PID1: variants seen among roughly 807,000 people sequenced by gnomAD.
PID1 encodes PTB-containing, cubilin and LRP1-interacting protein.
PID1 carries 10 observed loss-of-function variants against 19.1 expected under a neutral mutation model. The ratio of observed to expected loss-of-function variants is 0.52; its 90% CI spans 0.32 to 0.89. The LOEUF (loss-of-function observed/expected upper bound fraction) is 0.89. PID1 is among the 40% of genes least tolerant of loss of function. The pLI, the probability that PID1 is intolerant of heterozygous loss-of-function variation, is 0.03. For missense variants in PID1, 248 were observed against 285.3 expected (o/e 0.87, Z 0.94); for synonymous variants, 130 against 116.0 (o/e 1.12, Z -0.78).
chr2:229,098,311 G>A (rs1695010315), intron 2 of PID1, among the ~76,000 whole-genome samples: 1 of 152,144 alleles, frequency 6.6e-6, no homozygotes, highest in African/African-American at 2.4e-5. Context: ...CCATCAGCAC[G>A]ATGTACAAAG....
chr2:229,215,007 G>A (rs1014915402), intron 1 of PID1, among the ~76,000 whole-genome samples: 14 of 152,156 alleles, frequency 9.2e-5, no homozygotes, highest in African/African-American at 3.4e-4. Context: ...AGGCTCAATA[G>A]TGTTGTGATA....
chr2:229,053,641 A>G (rs1456346372), intron 2 of PID1, among the ~76,000 whole-genome samples: 2 of 152,204 alleles, frequency 1.3e-5, no homozygotes, highest in African/African-American at 4.8e-5. Flanking sequence ...AACTCACTTC[A>G]CTTTGGACTG....
intron 2 of PID1, among the ~76,000 whole-genome samples, chr2:229,106,642 C>A (rs1033384142): frequency 1.3e-5 from 2 of 152,214 alleles, no homozygotes; most frequent in African/African-American, 2.4e-5. Flanking sequence ...ATCTATGAAG[C>A]AGACAGCAAT....
At chr2:229,256,215 G>A (rs997621659) in intron 1 of PID1, among the ~76,000 whole-genome samples, 2 of 152,182 alleles carry the variant, frequency 1.3e-5, no homozygotes, top group East Asian at 3.9e-4. Flanking sequence ...CATCCAGATG[G>A]AACAGCAGCT....
Position 229,180,783 on chromosome 2 carries a change from G to T in PID1, c.31-24819C>A, listed in dbSNP as rs1283931261. 3.9e-5 allele frequency among the ~76,000 whole-genome samples: 6 copies of T among 152,246 alleles called. No homozygotes were observed. In the East Asian group the frequency reaches 1.2e-3, roughly 29 times the overall value. Reference sequence around the variant, plus strand: ...CATCAACTCCACTACGCCCATCTCCGCCACTCCGGATTCGGGGATCTGAAC... The same window carrying T: ...CATCAACTCCACTACGCCCATCTCCTCCACTCCGGATTCGGGGATCTGAAC... On this transcript the variant is annotated intron_variant, in intron 1 of 2. Transcript: ENST00000392055.
chr2:229,246,774 G>A (rs1690014476), intron 1 of PID1, among the ~76,000 whole-genome samples: 1 of 152,166 alleles, frequency 6.6e-6, no homozygotes, highest in African/African-American at 2.4e-5. Context: ...CCTATTTTCT[G>A]ATTATTCCAA....
In PID1 at chr2:229,067,553, C is replaced by T. The variant is rs543921539; in HGVS notation, c.178-41445G>A. Among the ~76,000 whole-genome samples, 6 of 152,222 alleles carry T rather than the reference C, an allele frequency of 3.9e-5. No individual in the cohort carries two copies. In the East Asian group the frequency reaches 7.8e-4, roughly 20 times the overall value. ...ATAGCCCCACCAAAGGCCCTCAATG[C>T]CCATCCCCTGGAGGATGGCCATGCT... On this transcript the variant is annotated intron_variant, in intron 2 of 2. Coordinates refer to ENST00000392055, the MANE Select transcript of PID1 (RefSeq NM_001100818.2).
intron 1 of PID1, among the ~76,000 whole-genome samples, chr2:229,163,680 T>TGTGTGTGCGCGC (rs1365270238): frequency 0.13 from 13,233 of 102,614 alleles, 887 homozygotes; most frequent in Admixed American, 0.23. Flanking sequence ...TGTGTGCGTG[T>TGTGTGTGCGCGC]GCGTGTGTGT....
Position 229,073,034 on chromosome 2 carries a change from T to G in PID1, c.178-46926A>C, listed in dbSNP as rs535848471. ...TGGGTAATTGCTGCCATTTATTTAT[T>G]TATTTTTTTGAGACGGAGTCTCGCT... On this transcript the variant is annotated intron_variant, in intron 2 of 2. Transcript: ENST00000392055. Among the ~76,000 whole-genome samples the G allele has an allele frequency of 2.6e-5, 4 of 152,326 alleles. No homozygotes were observed. The South Asian group carries it at 8.3e-4, about 32-fold the overall frequency.
chr2:229,143,429 T>C (rs13428112), intron 2 of PID1, among the ~76,000 whole-genome samples: 1 of 152,220 alleles, frequency 6.6e-6, no homozygotes, highest in East Asian at 1.9e-4. Flanking sequence ...GGTTCCCAAA[T>C]TAGGAGGGCA....
At chr2:229,117,615 A>G (rs1695435518) in intron 2 of PID1, among the ~76,000 whole-genome samples, 1 of 152,096 alleles carries the variant, frequency 6.6e-6, no homozygotes, top group Non-Finnish European at 1.5e-5. Flanking sequence ...GTGATTTCCA[A>G]AGCTCTTCTA....
At chr2:229,214,917 A>G (rs1190463738) in intron 1 of PID1, among the ~76,000 whole-genome samples, 1 of 152,126 alleles carries the variant, frequency 6.6e-6, no homozygotes, top group Non-Finnish European at 1.5e-5. Context: ...ACTATTTTAC[A>G]GCTTACTTTC....
chr2:229,069,219 A>AT (rs1694401583), intron 2 of PID1, among the ~76,000 whole-genome samples: 1 of 150,548 alleles, frequency 6.6e-6, no homozygotes, highest in South Asian at 2.1e-4. Context: ...AAAATTACAT[A>AT]TTTTCTCCCA....
At chr2:229,178,968 C>G (rs1028367787) in intron 1 of PID1, among the ~76,000 whole-genome samples, 17 of 152,176 alleles carry the variant, frequency 1.1e-4, no homozygotes, top group South Asian at 2.1e-4. Context: ...CAGATCCTCT[C>G]TGGAAAGGTC....
At chr2:229,212,882 C>T (rs1047008556) in intron 1 of PID1, among the ~76,000 whole-genome samples, 2 of 151,982 alleles carry the variant, frequency 1.3e-5, no homozygotes, top group South Asian at 2.1e-4. Flanking sequence ...CCACACGTCC[C>T]GGCTGACCCA....
At chr2:229,222,165 C>G (rs982601942) in intron 1 of PID1, among the ~76,000 whole-genome samples, 1 of 152,176 alleles carries the variant, frequency 6.6e-6, no homozygotes, top group Non-Finnish European at 1.5e-5. Flanking sequence ...ATTTTCCTTA[C>G]TTACCTCTAA....
chr2:229,183,460 G>T (rs1690990131), intron 1 of PID1, among the ~76,000 whole-genome samples: 1 of 152,180 alleles, frequency 6.6e-6, no homozygotes, highest in East Asian at 1.9e-4. Flanking sequence ...GGTGTGTTGG[G>T]TGAGACTCAC....
chr2:229,065,252 C>A (rs1489978251), intron 2 of PID1, among the ~76,000 whole-genome samples: 1 of 152,128 alleles, frequency 6.6e-6, no homozygotes, highest in African/African-American at 2.4e-5. Flanking sequence ...TAGCTGCCTT[C>A]CTTTGAGAAA....
chr2:229,075,325 C>T (rs1208247820), intron 2 of PID1, among the ~76,000 whole-genome samples: 1 of 152,146 alleles, frequency 6.6e-6, no homozygotes, highest in Non-Finnish European at 1.5e-5. Context: ...TCTGTATATG[C>T]ATTGAGAGAT....
Sources: allele counts gnomAD v4.1 joint callset (sites outside exome capture counted in the v4.1 genomes callset), GRCh38; gene constraint gnomAD v4.1.1; transcripts MANE v1.5; gene names NCBI Gene and HGNC (gene_info 2026-07-23, HGNC 2026-07-21).